The following PDLIM7 variants were observed in gnomAD, a reference collection of about 807,000 sequenced individuals.
PDLIM7 encodes PDZ and LIM domain protein 7.
In PDLIM7, 37 loss-of-function variants were observed where a neutral mutation model predicts 53.9. That is an observed-to-expected ratio of 0.69 (90% confidence interval 0.53 to 0.90). The LOEUF is 0.90. PDLIM7 is among the 40% of genes least tolerant of loss of function. The pLI is 0.00. For missense variants in PDLIM7, 617 were observed against 638.5 expected (o/e 0.97, Z 0.36); for synonymous variants, 300 against 261.3 (o/e 1.15, Z -1.43).
intron 2 of PDLIM7, among the ~76,000 whole-genome samples, chr5:177,496,193 A>C (rs920517908): frequency 1.3e-5 from 2 of 152,214 alleles, no homozygotes; most frequent in African/African-American, 2.4e-5. Context: ...TTGGGAGAAC[A>C]GCATCGGGTA....
In PDLIM7 at chr5:177,483,730, T is replaced by A. The variant is rs374202108; in HGVS notation, c.1288A>T (p.Ile430Leu). 1 of 1,611,984 alleles carries A rather than the reference T, an allele frequency of 6.2e-7. No individual in the cohort carries two copies. The highest frequency in any genetic ancestry group is 8.5e-7 in the Non-Finnish European group (1 of 1,178,278). The change falls in exon 13 of 13, where the codon ATA (isoleucine) becomes TTA (leucine). Residue 430 changes from isoleucine to leucine, a missense_variant and splice_region_variant. Physicochemically the swap from Ile to Leu is conservative, Grantham distance 5. Coordinates refer to ENST00000355841, the MANE Select transcript of PDLIM7 (RefSeq NM_005451.5). ...SWHDTCFVCA[I>L]CQINLEGKTF... ...TTTCCTTCCAGGTTGATCTGACATATCTAAGGACAGCAAAGGCCCAGTCAC... is the reference window on the plus strand; with the variant it reads ...TTTCCTTCCAGGTTGATCTGACATAACTAAGGACAGCAAAGGCCCAGTCAC...
chr5:177,496,384 C>A (rs1306410809), intron 2 of PDLIM7, 33 bp downstream of exon 2: 7 of 1,491,410 alleles, frequency 4.7e-6, no homozygotes, highest in Non-Finnish European at 5.4e-6. Context: ...CGAAAGACCG[C>A]TGGGGGAGCC....
rs1364953862 is a variant in PDLIM7, at chr5:177,483,430, GA to G, written c.*213del. On this transcript the variant is annotated 3_prime_UTR_variant, in exon 13 of 13. Transcript: ENST00000355841. ...ACAGGTTTATTGTGGCACTGGAGGT[GA>G]AAGGGGGCTGGTGTGGCCAGCACCG... The G allele has an allele frequency of 5.7e-6, 3 of 529,698 alleles. No individual in the cohort carries two copies. Among genetic ancestry groups the G allele is most frequent in the Non-Finnish European group, 1.0e-5 (3 of 298,218 alleles). The allele number at this position is 529,698 out of a possible 1,614,324, so 32.8% of individuals were successfully genotyped here.
intron 7 of PDLIM7, chr5:177,490,373 G>A: frequency 6.8e-7 from 1 of 1,466,514 alleles, no homozygotes; most frequent in Non-Finnish European, 9.0e-7. Flanking sequence ...CCAGCAGGAG[G>A]CTCAGGCCAG....
Position 177,490,552 on chromosome 5 carries a change from C to T in PDLIM7, c.572+318G>A, listed in dbSNP as rs757542501. On this transcript the variant is annotated intron_variant, in intron 7 of 12. Transcript: ENST00000355841. ...GCGCTGGTGGTGCCAGTCCCGGAGG[C>T]GGGTGTAGCGTGGGCTCTGCAGCTC... 7 of 1,564,096 alleles carry T rather than the reference C, an allele frequency of 4.5e-6. 1 individual carries two copies. Among genetic ancestry groups the T allele is most frequent in the African/African-American group, 2.7e-5 (2 of 73,242 alleles).
rs1246186124 is a variant in PDLIM7, at chr5:177,492,589, G to A, written c.185C>T (p.Thr62Ile). The A allele has an allele frequency of 6.2e-7, 1 of 1,613,706 alleles. No homozygotes were observed. Among genetic ancestry groups the A allele is most frequent in the Non-Finnish European group, 8.5e-7 (1 of 1,180,010 alleles). The part of the protein sequence containing the change: ...SIDGENAGSL[T>I]HIEAQNKIRA... ...GATCTTGTTCTGAGCTTCGATGTGT[G>A]TGAGGCTACCCGCATTCTCGCCATC... Residue 62 changes from threonine to isoleucine, a missense_variant, in exon 3 of 13, where the codon ACA becomes ATA. Transcript: ENST00000355841.
Position 177,488,199 on chromosome 5 carries a change from C to A in PDLIM7, c.919G>T (p.Val307Leu), listed in dbSNP as rs1758560301. 1 of 1,612,974 alleles carries A rather than the reference C, an allele frequency of 6.2e-7. No homozygotes were observed. Among genetic ancestry groups the A allele is most frequent in the Non-Finnish European group, 8.5e-7 (1 of 1,179,836 alleles). The change falls in exon 10 of 13, where the codon GTG becomes TTG. Residue 307 changes from valine to leucine, a missense_variant. Physicochemically the swap from Val to Leu is conservative, Grantham distance 32 (BLOSUM62 1). Transcript: ENST00000355841. ...AGGACCTTCCCACACTGGCTACACACAAACTCCTCCGGGTGGTACGCGTGG... is the reference window on the plus strand; with the variant it reads ...AGGACCTTCCCACACTGGCTACACAAAAACTCCTCCGGGTGGTACGCGTGG... The part of the protein sequence containing the change: ...LGHAYHPEEF[V>L]CSQCGKVLEE...
intron 10 of PDLIM7, among the ~76,000 whole-genome samples, chr5:177,486,299 G>A (rs1758435224): frequency 1.3e-5 from 2 of 152,154 alleles, no homozygotes; most frequent in South Asian, 2.1e-4. Flanking sequence ...ATAAGTGTGG[G>A]GGACATGTAG....
intron 10 of PDLIM7, 140 bp downstream of exon 10, chr5:177,487,928 C>G (rs1758543647): frequency 5.6e-6 from 4 of 708,748 alleles, no homozygotes; most frequent in Non-Finnish European, 9.0e-6. Context: ...CAGGGTGAGG[C>G]CAGTACAGCA....
rs76759372 is a variant in PDLIM7, at chr5:177,490,666, G to T, written c.572+204C>A. 1.4e-3 allele frequency: 1,432 copies of T among 1,024,096 alleles called. 23 individuals are homozygous for T. The African/African-American group carries it at 0.02, about 15-fold the overall frequency. 63.4% of individuals were successfully genotyped at this position (1,024,096 alleles called of 1,614,324 possible). ...GGAAGGGAGGCAGGGAGGGAGGAGG[G>T]AAGGAAGGAGGGAGGGAAGAAATGA... On this transcript the variant is annotated intron_variant, in intron 7 of 12. Transcript: ENST00000355841.
At chr5:177,490,553 G>C in intron 7 of PDLIM7, 1 of 1,565,250 alleles carries the variant, frequency 6.4e-7, no homozygotes, top group Non-Finnish European at 8.7e-7. Flanking sequence ...TCCCGGAGGC[G>C]GGTGTAGCGT....
chr5:177,490,781 C>T lies in PDLIM7; in HGVS notation c.572+89G>A, dbSNP rs936953028. On this transcript the variant is annotated intron_variant, in intron 7 of 12. Coordinates refer to ENST00000355841, the MANE Select transcript of PDLIM7 (RefSeq NM_005451.5). ...AGGAAGGAAGGGAGAATTGAGAGCC[C>T]CAGCTGGGAGCCTCAGGAGTAGACA... The T allele has an allele frequency of 2.8e-6, 4 of 1,421,852 alleles. No individual in the cohort carries two copies. The Admixed American group carries it at 5.0e-5, about 18-fold the overall frequency. 88.1% of individuals were successfully genotyped at this position (1,421,852 alleles called of 1,614,324 possible). A position where few individuals can be genotyped will look rare whatever the true frequency, so the allele number is the denominator to read the frequency against.
At position 177,491,087 on chromosome 5, in the gene PDLIM7, T is replaced by C; in HGVS notation, c.458A>G (p.Glu153Gly). 1 of 1,612,284 alleles carries C rather than the reference T, an allele frequency of 6.2e-7. No individual in the cohort carries two copies. The highest frequency in any genetic ancestry group is 8.5e-7 in the Non-Finnish European group (1 of 1,179,480). The change falls in exon 6 of 13, where the codon GAG (glutamate) becomes GGG (glycine). Residue 153 changes from glutamate to glycine, a missense_variant. By Grantham distance (98) the Glu-to-Gly change is moderately conservative. Transcript: ENST00000355841. ...ASKQRLMENTEDWRPRPGTGQ... is the reference protein window; with the variant it reads ...ASKQRLMENTGDWRPRPGTGQ... ...TGTCCCCGGCCGCGGCCGCCAGTCC[T>C]CTGTGTTCTCCATCAGCCGCTGCTT...
intron 7 of PDLIM7, chr5:177,490,401 T>A: frequency 1.4e-6 from 2 of 1,456,432 alleles, no homozygotes; most frequent in Non-Finnish European, 9.1e-7. Flanking sequence ...AAAGGGGGGG[T>A]GAGGTAGGCA....
At chr5:177,484,219 G>A in intron 10 of PDLIM7, 29 bp from the exon 11 acceptor site, 2 of 1,609,560 alleles carry the variant, frequency 1.2e-6, no homozygotes, top group Non-Finnish European at 1.7e-6. Flanking sequence ...CACTCGGCAG[G>A]CTCAGGCCCC....
intron 9 of PDLIM7, among the ~76,000 whole-genome samples, chr5:177,488,863 G>A (rs146477361): frequency 2.9e-3 from 439 of 151,722 alleles, no homozygotes; most frequent in African/African-American, 0.01. Flanking sequence ...GCACGCCAAC[G>A]TGGGCAACAC....
chr5:177,489,959 G>A (rs908923835), intron 7 of PDLIM7, 127 bp from the exon 8 acceptor site: 4 of 1,536,476 alleles, frequency 2.6e-6, no homozygotes, highest in Non-Finnish European at 3.5e-6. Flanking sequence ...TTGGATTCCA[G>A]GTCCCACTGG....
chr5:177,486,931 CTTTTTTTTTTTTTTTTTTTT>C (rs60583245), intron 10 of PDLIM7, among the ~76,000 whole-genome samples: 1,927 of 48,722 alleles, frequency 0.04, 103 homozygotes, highest in African/African-American at 0.12. Flanking sequence ...GTGCCTGGCC[CTTTTTTTTTTTTTTTTTTTT>C]TTTTTTTTTT....
intron 6 of PDLIM7, 43 bp downstream of exon 6, chr5:177,490,967 C>T (rs1301114309): frequency 6.2e-7 from 1 of 1,614,008 alleles, no homozygotes; most frequent in Admixed American, 1.7e-5. Flanking sequence ...CACGCCTGGG[C>T]TGGGGGCGAG....
Sources: gnomAD v4.1 joint callset for allele counts (sites outside exome capture counted in the v4.1 genomes callset) on GRCh38, gnomAD v4.1.1 for gene constraint, MANE v1.5 for transcripts, NCBI Gene and HGNC (gene_info 2026-07-23, HGNC 2026-07-21) for gene names.